The following FHIT variants were observed in gnomAD, a reference collection of about 807,000 sequenced individuals.
FHIT encodes bis(5'-adenosyl)-triphosphatase.
In FHIT, 19 loss-of-function variants were observed where a neutral mutation model predicts 17.9. The ratio of observed to expected loss-of-function variants is 1.06; its 90% CI spans 0.74 to 1.56. The LOEUF (loss-of-function observed/expected upper bound fraction) is 1.56, where lower values mean the gene tolerates loss of function less well. Among genes scored for constraint, FHIT ranks in the 40% most tolerant of loss-of-function variants. The pLI, the probability that FHIT is intolerant of heterozygous loss-of-function variation, is 0.00. For synonymous variants in FHIT, 81 were observed against 69.7 expected (o/e 1.16, Z -0.81); for missense variants, 248 against 189.2 (o/e 1.31, Z -1.82).
In FHIT at chr3:60,711,820, G is replaced by A. The variant is rs552891851; in HGVS notation, c.-18+110099C>T. Among the ~76,000 whole-genome samples the A allele has an allele frequency of 4.6e-5, 7 of 152,320 alleles. No homozygotes were observed. The South Asian group carries it at 1.5e-3, about 32-fold the overall frequency. ...GTTTGGTGTACCTGAAGGTGACGGG[G>A]AGAATGGAACCAAGTTGGAAAACAC... On this transcript the variant is annotated intron_variant, in intron 4 of 9. Transcript: ENST00000492590.
intron 5 of FHIT, among the ~76,000 whole-genome samples, chr3:60,482,095 G>A (rs147858430): frequency 8.5e-5 from 13 of 152,302 alleles, no homozygotes; most frequent in African/African-American, 2.9e-4. Flanking sequence ...TTACATAATG[G>A]TAAAGGGAAC....
intron 5 of FHIT, among the ~76,000 whole-genome samples, chr3:60,477,096 C>T (rs1431654830): frequency 2.0e-5 from 3 of 151,448 alleles, no homozygotes; most frequent in African/African-American, 7.3e-5. Context: ...CAAACAATCA[C>T]CACCTTTTTT....
intron 3 of FHIT, among the ~76,000 whole-genome samples, chr3:60,859,936 G>A (rs1326307114): frequency 6.7e-6 from 1 of 149,486 alleles, no homozygotes; most frequent in Non-Finnish European, 1.5e-5. Flanking sequence ...CCCAGCTACT[G>A]GGGAGACTGA....
At chr3:60,843,385 A>G (rs1702805833) in intron 3 of FHIT, among the ~76,000 whole-genome samples, 1 of 152,216 alleles carries the variant, frequency 6.6e-6, no homozygotes, top group African/African-American at 2.4e-5. Context: ...CTAAATAAAA[A>G]CACAGTCAGA....
In FHIT at chr3:60,640,152, T is replaced by A. The variant is rs557737782; in HGVS notation, c.-17-103173A>T. On this transcript the variant is annotated intron_variant, in intron 4 of 9. Transcript: ENST00000492590. ...GAGTGACAGAAGGAAATGTCCACAG[T>A]GTGGCACAAGGAAAGTTTTAGGGGT... Among the ~76,000 whole-genome samples, 242 of 152,282 alleles carry A rather than the reference T, an allele frequency of 1.6e-3. 2 individuals are homozygous for A. The highest frequency in any genetic ancestry group is 1.3e-3 in the Non-Finnish European group (88 of 68,014).
intron 8 of FHIT, among the ~76,000 whole-genome samples, chr3:59,757,202 G>GC (rs1353187545): frequency 6.6e-6 from 1 of 152,124 alleles, no homozygotes; most frequent in East Asian, 1.9e-4. Context: ...GAAAGTGCAC[G>GC]CCAAAGTGAC....
chr3:60,101,073 T>C (rs1704170794), intron 5 of FHIT, among the ~76,000 whole-genome samples: 2 of 152,188 alleles, frequency 1.3e-5, no homozygotes, highest in Non-Finnish European at 2.9e-5. Flanking sequence ...CCATTGCTTC[T>C]TACCTGGGGA....
intron 4 of FHIT, among the ~76,000 whole-genome samples, chr3:60,569,756 T>TACA (rs1491532042): frequency 7.0e-5 from 2 of 28,674 alleles, no homozygotes; most frequent in Admixed American, 8.4e-4. Context: ...TATATATATA[T>TACA]TTTTTTTTTT....
intron 3 of FHIT, among the ~76,000 whole-genome samples, chr3:61,017,200 G>T (rs557405027): frequency 6.6e-6 from 1 of 152,206 alleles, no homozygotes; most frequent in Non-Finnish European, 1.5e-5. Context: ...TAAAGCAGGA[G>T]AATCACTTGA....
chr3:60,450,550 G>C lies in FHIT; in HGVS notation c.103+86310C>G, dbSNP rs143057931. Among the ~76,000 whole-genome samples the C allele has an allele frequency of 5.3e-3, 811 of 152,208 alleles. 9 individuals carry two copies. Among genetic ancestry groups the C allele is most frequent in the African/African-American group, 0.019 (783 of 41,536 alleles). ...GGAAGTGAGTTTGAGAGGGGATGCT[G>C]GATTTTCATAATGAGAGAAAGATAA... On this transcript the variant is annotated intron_variant, in intron 5 of 9. Transcript: ENST00000492590.
At chr3:60,157,743 T>C (rs554753606) in intron 5 of FHIT, among the ~76,000 whole-genome samples, 17 of 152,332 alleles carry the variant, frequency 1.1e-4, no homozygotes, top group African/African-American at 4.1e-4. Context: ...CCTGGAATTA[T>C]GTTGCAAAGG....
intron 5 of FHIT, among the ~76,000 whole-genome samples, chr3:60,024,966 G>C (rs1437945803): frequency 6.6e-6 from 1 of 152,178 alleles, no homozygotes; most frequent in African/African-American, 2.4e-5. Context: ...AAGCAGGCCT[G>C]GCCTGTGGTG....
chr3:60,970,393 G>A (rs1226458345), intron 3 of FHIT, among the ~76,000 whole-genome samples: 1 of 152,026 alleles, frequency 6.6e-6, no homozygotes, highest in Non-Finnish European at 1.5e-5. Flanking sequence ...GCTTATAGTT[G>A]TCTTGTTTTA....
intron 2 of FHIT, among the ~76,000 whole-genome samples, chr3:61,103,294 C>T (rs183892097): frequency 6.6e-6 from 1 of 152,256 alleles, no homozygotes; most frequent in Admixed American, 6.5e-5. Flanking sequence ...TTTATTTCTG[C>T]CTTCATTTCA....
intron 4 of FHIT, among the ~76,000 whole-genome samples, chr3:60,734,785 A>G (rs1407603895): frequency 3.9e-5 from 6 of 152,230 alleles, no homozygotes; most frequent in African/African-American, 9.6e-5. Flanking sequence ...TACCTTACCC[A>G]TTAACTTTTA....
At chr3:60,262,557 T>A (rs1706358705) in intron 5 of FHIT, among the ~76,000 whole-genome samples, 2 of 152,062 alleles carry the variant, frequency 1.3e-5, no homozygotes, top group Non-Finnish European at 1.5e-5. Context: ...TCACAAAATG[T>A]GCAGACCACC....
chr3:61,125,637 C>T (rs1226146711), intron 2 of FHIT, among the ~76,000 whole-genome samples: 1 of 152,152 alleles, frequency 6.6e-6, no homozygotes, highest in African/African-American at 2.4e-5. Flanking sequence ...AATCATCTGG[C>T]AAACAACTGT....
chr3:60,802,307 G>A (rs1254904975), intron 4 of FHIT, among the ~76,000 whole-genome samples: 1 of 152,164 alleles, frequency 6.6e-6, no homozygotes, highest in African/African-American at 2.4e-5. Context: ...TTCTCAGAAC[G>A]TTTTCAGAAC....
At chr3:60,433,608 C>A (rs2029934370) in intron 5 of FHIT, among the ~76,000 whole-genome samples, 1 of 152,016 alleles carries the variant, frequency 6.6e-6, no homozygotes, top group Non-Finnish European at 1.5e-5. Flanking sequence ...GACAACAGCC[C>A]ATCCTAACAG....
Sources: allele counts gnomAD v4.1 joint callset (sites outside exome capture counted in the v4.1 genomes callset), GRCh38; gene constraint gnomAD v4.1.1; transcripts MANE v1.5; gene names NCBI Gene and HGNC (gene_info 2026-07-23, HGNC 2026-07-21).